Variants in ORC4 observed in about 807,000 individuals in gnomAD.
The protein encoded by ORC4 is origin recognition complex, subunit 4 homolog.
In ORC4, 55 loss-of-function variants were observed where a neutral mutation model predicts 63.9. The observed-to-expected ratio is 0.86, with a 90% CI of 0.69 to 1.08. The LOEUF (loss-of-function observed/expected upper bound fraction) is 1.08. ORC4 is among the 50% of genes least tolerant of loss of function. ORC4 has a pLI of 0.00. For synonymous variants in ORC4, 150 were observed against 168.5 expected, an observed-to-expected ratio of 0.89 and a Z score of 0.85; for missense variants, 511 against 504.4, an observed-to-expected ratio of 1.01 and a Z score of -0.13.
chr2:148,009,489 A>G (rs1692823313), intron 1 of ORC4, among the ~76,000 whole-genome samples: 1 of 152,172 alleles, frequency 6.6e-6, no homozygotes, highest in African/African-American at 2.4e-5. Context: ...AAAAAAGGTT[A>G]TCATATAATA....
At chr2:147,956,258 G>T (rs898856292) in intron 6 of ORC4, among the ~76,000 whole-genome samples, 18 of 152,018 alleles carry the variant, frequency 1.2e-4, no homozygotes, top group African/African-American at 4.3e-4. Flanking sequence ...CACATATTGT[G>T]ATGTTGTTAT....
intron 4 of ORC4, among the ~76,000 whole-genome samples, chr2:147,960,944 T>G (rs889110602): frequency 3.9e-5 from 6 of 152,190 alleles, no homozygotes; most frequent in African/African-American, 1.4e-4. Context: ...ATATCAATTT[T>G]TTTTTTAAAT....
rs555473911 is a variant in ORC4 at position 147,971,533 on chromosome 2, A to G, written c.225+1206T>C. ...TGCTCAACAGCATATGTCATTAGAGAATTACAAGTACAAACAATGAGACAC... is the reference window on the plus strand; with the variant it reads ...TGCTCAACAGCATATGTCATTAGAGGATTACAAGTACAAACAATGAGACAC... On this transcript the variant is annotated intron_variant, in intron 4 of 13. Coordinates refer to ENST00000392857, the MANE Select transcript of ORC4 (RefSeq NM_181741.4). Among the ~76,000 whole-genome samples, 69 of 152,096 alleles carry G rather than the reference A, an allele frequency of 4.5e-4. 1 individual carries two copies. The South Asian group carries it at 0.014, about 31-fold the overall frequency.
intron 1 of ORC4, among the ~76,000 whole-genome samples, chr2:147,992,528 G>C (rs144998906): frequency 2.0e-3 from 299 of 152,212 alleles, no homozygotes; most frequent in African/African-American, 6.7e-3. Flanking sequence ...AATTTTCCTT[G>C]AAAAGCCCCA....
Position 147,935,468 on chromosome 2 carries a change from G to C in ORC4, c.*42C>G, listed in dbSNP as rs373845219. ...GGACAATAGTTTTCCGTTCTCTACA[G>C]AAGTATGAATGAAATGCCAAAGTTG... On this transcript the variant is annotated 3_prime_UTR_variant, in exon 14 of 14. Coordinates refer to ENST00000392857, the MANE Select transcript of ORC4 (RefSeq NM_181741.4). The C allele has an allele frequency of 2.8e-6, 4 of 1,415,000 alleles. No homozygotes were observed. Among genetic ancestry groups the C allele is most frequent in the Middle Eastern group, 1.8e-4 (1 of 5,704 alleles). 87.7% of individuals were successfully genotyped at this position (1,415,000 alleles called of 1,614,324 possible). A position where few individuals can be genotyped will look rare whatever the true frequency, so the allele number is the denominator to read the frequency against.
At chr2:148,021,238 C>T, upstream of ORC4, 2 of 264,554 alleles carry the variant, frequency 7.6e-6, no homozygotes, top group South Asian at 3.8e-5. Flanking sequence ...GGGGGGAAGG[C>T]GGCTGAGTTC....
At chr2:147,957,325 A>C (rs1196379807) in intron 6 of ORC4, among the ~76,000 whole-genome samples, 1 of 151,052 alleles carries the variant, frequency 6.6e-6, no homozygotes. Flanking sequence ...AAATGCTAGG[A>C]GTCTTACACA....
At chr2:148,017,704 T>C (rs1693400252) in intron 1 of ORC4, among the ~76,000 whole-genome samples, 1 of 152,136 alleles carries the variant, frequency 6.6e-6, no homozygotes, top group Non-Finnish European at 1.5e-5. Context: ...AATTAAAAAA[T>C]AATAATTTAA....
intron 10 of ORC4, among the ~76,000 whole-genome samples, chr2:147,940,007 A>G (rs938904900): frequency 6.6e-6 from 1 of 152,112 alleles, no homozygotes; most frequent in Admixed American, 6.6e-5. Context: ...TTGGGATATA[A>G]TTATCCAAGA....
chr2:147,954,541 T>C (rs1299499803), intron 7 of ORC4, among the ~76,000 whole-genome samples: 1 of 152,166 alleles, frequency 6.6e-6, no homozygotes, highest in Non-Finnish European at 1.5e-5. Flanking sequence ...AGTAAAAATA[T>C]GGTTTTATAA....
At chr2:147,959,619 C>T (rs1163460737) in intron 4 of ORC4, among the ~76,000 whole-genome samples, 1 of 152,120 alleles carries the variant, frequency 6.6e-6, no homozygotes, top group Admixed American at 6.5e-5. Context: ...TTGCAATATG[C>T]TACTTATTTG....
At chr2:147,959,507 T>C (rs1344418737) in intron 4 of ORC4, among the ~76,000 whole-genome samples, 3 of 151,996 alleles carry the variant, frequency 2.0e-5, no homozygotes, top group African/African-American at 7.2e-5. Flanking sequence ...ATACACAAAA[T>C]ATTAATAGAG....
At chr2:147,979,006 A>C (rs1310748493) in intron 1 of ORC4, among the ~76,000 whole-genome samples, 3 of 152,150 alleles carry the variant, frequency 2.0e-5, no homozygotes, top group Non-Finnish European at 2.9e-5. Flanking sequence ...CTAACATCAC[A>C]CCCCAAAGGT....
At chr2:147,990,201 C>T (rs148731370) in intron 1 of ORC4, among the ~76,000 whole-genome samples, 1 of 152,268 alleles carries the variant, frequency 6.6e-6, no homozygotes, top group African/African-American at 2.4e-5. Flanking sequence ...CAGAACTTTG[C>T]CTCTCTTCAG....
At chr2:147,980,950 A>C (rs1690849399) in intron 1 of ORC4, among the ~76,000 whole-genome samples, 1 of 152,188 alleles carries the variant, frequency 6.6e-6, no homozygotes, top group South Asian at 2.1e-4. Flanking sequence ...TTCACAGCCA[A>C]AATACGGAAT....
At chr2:147,985,199 G>GT (rs1229645112) in intron 1 of ORC4, among the ~76,000 whole-genome samples, 24 of 151,554 alleles carry the variant, frequency 1.6e-4, no homozygotes, top group Non-Finnish European at 2.5e-4. Context: ...TGTTTTTTTT[G>GT]TTTTTTTGTT....
At chr2:147,946,072 A>C (rs181904112) in intron 9 of ORC4, among the ~76,000 whole-genome samples, 38 of 152,214 alleles carry the variant, frequency 2.5e-4, no homozygotes, top group African/African-American at 9.1e-4. Flanking sequence ...TCTGCAACAA[A>C]AGTCCAGAAA....
chr2:148,005,409 G>T (rs973069738), intron 1 of ORC4, among the ~76,000 whole-genome samples: 1 of 152,016 alleles, frequency 6.6e-6, no homozygotes, highest in Non-Finnish European at 1.5e-5. Context: ...CTGGGGGATG[G>T]GGGGGCTAAG....
At chr2:147,996,693 T>C (rs927721254) in intron 1 of ORC4, among the ~76,000 whole-genome samples, 3 of 152,144 alleles carry the variant, frequency 2.0e-5, no homozygotes, top group African/African-American at 7.2e-5. Context: ...AATTACATAA[T>C]CAAACAATGA....
Sources: gnomAD v4.1 joint callset for allele counts (sites outside exome capture counted in the v4.1 genomes callset) on GRCh38, gnomAD v4.1.1 for gene constraint, MANE v1.5 for transcripts, NCBI Gene and HGNC (gene_info 2026-07-23, HGNC 2026-07-21) for gene names.